SPPL2C: variants seen among roughly 807,000 people sequenced by gnomAD.
SPPL2C encodes signal peptide peptidase-like 2C.
Under a neutral mutation model 38.8 loss-of-function variants are expected in SPPL2C, and 33 were observed. That is an observed-to-expected ratio of 0.85 (90% confidence interval 0.64 to 1.14). The LOEUF is 1.14. SPPL2C is among the 50% of genes most tolerant of loss of function. The pLI, the probability that SPPL2C is intolerant of heterozygous loss-of-function variation, is 0.00. For missense variants in SPPL2C, 899 were observed against 904.4 expected, an observed-to-expected ratio of 0.99 and a Z score of 0.08; for synonymous variants, 384 against 390.7, an observed-to-expected ratio of 0.98 and a Z score of 0.20.
In SPPL2C at chr17:45,845,923, G is replaced by T; in HGVS notation, c.1017G>T (p.Val339=). Residue 339 remains valine, a synonymous_variant, in exon 1 of 1, where the codon GTG becomes GTT. Coordinates refer to ENST00000329196, the MANE Select transcript of SPPL2C (RefSeq NM_175882.3). ...SLCATVIIFW[V]AYRNEDRWAW... is the part of the protein sequence containing the mutation. ...GCGCAACCGTGATCATCTTCTGGGT[G>T]GCCTACCGCAATGAGGACCGCTGGG... The T allele has an allele frequency of 6.2e-7, 1 of 1,608,134 alleles. No homozygotes were observed. The highest frequency in any genetic ancestry group is 8.5e-7 in the Non-Finnish European group (1 of 1,180,000).
Position 45,846,940 on chromosome 17 carries a change from G to T in SPPL2C, c.2034G>T (p.Met678Ile). The change falls in exon 1 of 1, where the codon ATG becomes ATT. Residue 678 changes from methionine (M) to isoleucine (I), a missense_variant. Transcript: ENST00000329196. ...AGGGTTTGAAAGTAAGAAAGAGCAT[G>T]TCGACCCAGGCTCCCTTGTGAACTG... ...KRKGLKVRKS[M>I]STQAPL The T allele has an allele frequency of 2.5e-6, 4 of 1,569,960 alleles. No homozygotes were observed. Among genetic ancestry groups the T allele is most frequent in the Non-Finnish European group, 3.4e-6 (4 of 1,159,490 alleles).
rs369415450 is a variant in SPPL2C, at chr17:45,845,111, T to A, written c.205T>A (p.Trp69Arg). 84 of 1,612,418 alleles carry A rather than the reference T, an allele frequency of 5.2e-5. No homozygotes were observed. Among genetic ancestry groups the A allele is most frequent in the Non-Finnish European group, 6.9e-5 (81 of 1,178,804 alleles). ...CCTGTATGATGGCACCAAGGCACCCTGGTGCCCGGGTGAGGATTCCCCCCA... is the reference window on the plus strand; with the variant it reads ...CCTGTATGATGGCACCAAGGCACCCAGGTGCCCGGGTGAGGATTCCCCCCA... The part of the protein sequence containing the change: ...LPLYDGTKAP[W>R]CPGEDSPHQA... Residue 69 changes from tryptophan (W) to arginine (R), a missense_variant, in exon 1 of 1, where the codon TGG becomes AGG. Transcript: ENST00000329196.
In SPPL2C at chr17:45,846,406, C is replaced by T; in HGVS notation, c.1500C>T (p.Ala500=). 1.2e-6 allele frequency: 2 copies of T among 1,613,394 alleles called. 1 individual carries two copies. The highest frequency in any genetic ancestry group is 2.2e-5 in the South Asian group (2 of 91,086). Residue 500 remains alanine (A), a synonymous_variant, in exon 1 of 1, where the codon GCC becomes GCT. Transcript: ENST00000329196. ...AMVLMQMGQP[A]LLYLVSSTLL... Reference sequence around the variant, plus strand: ...TCCTCATGCAGATGGGCCAACCTGCCTTGCTCTACCTAGTGTCCAGCACCC... The same window carrying T: ...TCCTCATGCAGATGGGCCAACCTGCTTTGCTCTACCTAGTGTCCAGCACCC...
In SPPL2C at chr17:45,846,298, G is replaced by T. The variant is rs2062545284; in HGVS notation, c.1392G>T (p.Val464=). 6.2e-7 allele frequency: 1 copy of T among 1,614,020 alleles called. No homozygotes were observed. Among genetic ancestry groups the T allele is most frequent in the East Asian group, 2.2e-5 (1 of 44,894 alleles). ...TTGCTTACTGTTGCCGCTTTGATGT[G>T]CAAGTCTGCTCCCGTCAGATCTACT... ...FLVAYCCRFD[V]QVCSRQIYFV... is the part of the protein sequence containing the mutation. The change falls in exon 1 of 1, where the codon GTG becomes GTT. Residue 464 remains valine, a synonymous_variant. Coordinates refer to ENST00000329196, the MANE Select transcript of SPPL2C (RefSeq NM_175882.3).
rs779508378 is a variant in SPPL2C at position 45,845,158 on chromosome 17, C to T, written c.252C>T (p.Pro84=). The T allele has an allele frequency of 6.2e-7, 1 of 1,612,430 alleles. No homozygotes were observed. The highest frequency in any genetic ancestry group is 1.1e-5 in the South Asian group (1 of 91,054). ...DSPHQAQLRS[P]SQRPLRQTTA... The stretch of plus-strand genomic sequence containing the variant: ...CCCACCAGGCCCAGCTCCGCTCCCC[C>T]AGCCAGCGGCCCCTCCGCCAGACCA... Residue 84 remains proline, a synonymous_variant, in exon 1 of 1, where the codon CCC becomes CCT. Transcript: ENST00000329196.
rs143854309 is a variant in SPPL2C at position 45,846,137 on chromosome 17, C to G, written c.1231C>G (p.Pro411Ala). The change falls in exon 1 of 1, where the codon CCT (proline) becomes GCT (alanine). Residue 411 changes from proline (P) to alanine (A), a missense_variant. Physicochemically the swap from Pro to Ala is conservative, Grantham distance 27. Transcript: ENST00000329196. ...ESIMAQVALG[P>A]AESSSHERLP... is the part of the protein sequence containing the mutation. Reference sequence around the variant, plus strand: ...CATCATGGCGCAGGTTGCCTTGGGCCCTGCAGAGTCTTCAAGCCATGAGAG... The same window carrying G: ...CATCATGGCGCAGGTTGCCTTGGGCGCTGCAGAGTCTTCAAGCCATGAGAG... 3.7e-5 allele frequency: 59 copies of G among 1,614,210 alleles called. No homozygotes were observed. The African/African-American group carries it at 6.8e-4, about 19-fold the overall frequency.
At position 45,846,967 on chromosome 17, in the gene SPPL2C, A is replaced by T. The variant is rs760523268; in HGVS notation, c.*6A>T. The T allele has an allele frequency of 3.9e-6, 6 of 1,548,114 alleles. No individual in the cohort carries two copies. The highest frequency in any genetic ancestry group is 5.2e-6 in the Non-Finnish European group (6 of 1,150,704). ...CGACCCAGGCTCCCTTGTGAACTGG[A>T]GGCACTGGGACACACGCCTCTCAAA... On this transcript the variant is annotated 3_prime_UTR_variant, in exon 1 of 1. Coordinates refer to ENST00000329196, the MANE Select transcript of SPPL2C (RefSeq NM_175882.3).
chr17:45,845,909 A>G lies in SPPL2C; in HGVS notation c.1003A>G (p.Ile335Val). 6.2e-7 allele frequency: 1 copy of G among 1,607,280 alleles called. No homozygotes were observed. Among genetic ancestry groups the G allele is most frequent in the Non-Finnish European group, 8.5e-7 (1 of 1,179,972 alleles). The stretch of plus-strand genomic sequence containing the variant: ...GCTGGCGAGCCTGTGCGCAACCGTG[A>G]TCATCTTCTGGGTGGCCTACCGCAA... ...LLLASLCATVIIFWVAYRNED... is the reference protein window; with the variant it reads ...LLLASLCATVVIFWVAYRNED... The change falls in exon 1 of 1, where the codon ATC becomes GTC. Residue 335 changes from isoleucine (I) to valine (V), a missense_variant. Transcript: ENST00000329196.
chr17:45,846,919 T>A lies in SPPL2C; in HGVS notation c.2013T>A (p.Gly671=). 1 of 1,584,736 alleles carries A rather than the reference T, an allele frequency of 6.3e-7. No homozygotes were observed. Among genetic ancestry groups the A allele is most frequent in the Non-Finnish European group, 8.6e-7 (1 of 1,165,392 alleles). Residue 671 remains glycine, a synonymous_variant, in exon 1 of 1, where the codon GGT becomes GGA. Transcript: ENST00000329196. ...GGGCGGGACTCCACAAGAGGAAGGG[T>A]TTGAAAGTAAGAAAGAGCATGTCGA... is the stretch of plus-strand genomic sequence containing the variant. ...LPWAGLHKRK[G]LKVRKSMSTQ... is the part of the protein sequence containing the mutation.
rs1276812206 is a variant in SPPL2C, at chr17:45,845,857, G to GGCCTCTCTGCCGCTGCCTCTGC, written c.952_973dup (p.Leu325ArgfsTer27). The GGCCTCTCTGCCGCTGCCTCTGC allele has an allele frequency of 6.2e-7, 1 of 1,605,698 alleles. No individual in the cohort carries two copies. Among genetic ancestry groups the GGCCTCTCTGCCGCTGCCTCTGC allele is most frequent in the East Asian group, 2.2e-5 (1 of 44,888 alleles). The stretch of plus-strand genomic sequence containing the variant: ...ACCAGAGGCCTCCGCACAGCCTCTG[G>GGCCTCTCTGCCGCTGCCTCTGC]GCCTCTCTGCCGCTGCCTCTGCTGC... On this transcript the variant is annotated frameshift_variant, in exon 1 of 1. Coordinates refer to ENST00000329196, the MANE Select transcript of SPPL2C (RefSeq NM_175882.3). LOFTEE classifies it high-confidence loss of function.
rs11079725 is a variant in SPPL2C, at chr17:45,846,568, T to C, written c.1662T>C (p.Asp554=). The change falls in exon 1 of 1, where the codon GAT becomes GAC. Residue 554 remains aspartate (D), a synonymous_variant. Transcript: ENST00000329196. ...GSRQKQEGAA[D]AHTASTLERG... ...GGCAGAAGCAGGAGGGCGCAGCAGA[T>C]GCCCACACAGCCAGCACACTTGAGA... The C allele has an allele frequency of 0.19, 304,529 of 1,613,300 alleles. 32,781 individuals carry two copies. Among genetic ancestry groups the C allele is most frequent in the Non-Finnish European group, 0.22 (261,352 of 1,179,972 alleles).
Position 45,846,050 on chromosome 17 carries a change from C to T in SPPL2C, c.1144C>T (p.Leu382=). The T allele has an allele frequency of 6.2e-7, 1 of 1,614,226 alleles. No homozygotes were observed. Among genetic ancestry groups the T allele is most frequent in the Non-Finnish European group, 8.5e-7 (1 of 1,180,036 alleles). ...GAACTGCTCCTCCTTCCTGCTGGCC[C>T]TGCTGGCCTTTGATGTCTTCTTTGT... is the stretch of plus-strand genomic sequence containing the variant. The part of the protein sequence containing the change: ...LKNCSSFLLA[L]LAFDVFFVFV... The change falls in exon 1 of 1, where the codon CTG becomes TTG. Residue 382 remains leucine, a synonymous_variant. Coordinates refer to ENST00000329196, the MANE Select transcript of SPPL2C (RefSeq NM_175882.3).
At position 45,845,777 on chromosome 17, in the gene SPPL2C, A is replaced by G. The variant is rs2062536847; in HGVS notation, c.871A>G (p.Ile291Val). 1.9e-6 allele frequency: 3 copies of G among 1,611,214 alleles called. No individual in the cohort carries two copies. The highest frequency in any genetic ancestry group is 2.5e-6 in the Non-Finnish European group (3 of 1,179,972). The change falls in exon 1 of 1, where the codon ATT (isoleucine) becomes GTT (valine). Residue 291 changes from isoleucine to valine, a missense_variant. Transcript: ENST00000329196. The stretch of plus-strand genomic sequence containing the variant: ...TGGGATCTTTGGCCTGGGTGCTGGC[A>G]TTGGCCTCTACAGCTGCCTGTCACC... ...TIGIFGLGAG[I>V]GLYSCLSPLV...
Position 45,845,748 on chromosome 17 carries a change from C to A in SPPL2C, c.842C>A (p.Thr281Asn), listed in dbSNP as rs1340789567. ...TTCTATGACCACTTTGTCTATGTCA[C>A]CATTGGGATCTTTGGCCTGGGTGCT... ...YFFYDHFVYVTIGIFGLGAGI... is the reference protein window; with the variant it reads ...YFFYDHFVYVNIGIFGLGAGI... The change falls in exon 1 of 1, where the codon ACC (threonine) becomes AAC (asparagine). Residue 281 changes from threonine to asparagine, a missense_variant. Physicochemically the swap from Thr to Asn is moderately conservative, Grantham distance 65. Coordinates refer to ENST00000329196, the MANE Select transcript of SPPL2C (RefSeq NM_175882.3). 2 of 1,612,920 alleles carry A rather than the reference C, an allele frequency of 1.2e-6. No individual in the cohort carries two copies. Among genetic ancestry groups the A allele is most frequent in the Non-Finnish European group, 1.7e-6 (2 of 1,180,036 alleles).
In SPPL2C at chr17:45,846,526, C is replaced by T. The variant is rs140347532; in HGVS notation, c.1620C>T (p.Ala540=). The stretch of plus-strand genomic sequence containing the variant: ...CTAAGATGTGTGGGCTCGGCTGTGC[C>T]CCTTCAGCTGGCTCTAGGCAGAAGC... ...GRAKMCGLGC[A]PSAGSRQKQE... The change falls in exon 1 of 1, where the codon GCC becomes GCT. Residue 540 remains alanine, a synonymous_variant. Coordinates refer to ENST00000329196, the MANE Select transcript of SPPL2C (RefSeq NM_175882.3). 371 of 1,612,608 alleles carry T rather than the reference C, an allele frequency of 2.3e-4. No individual in the cohort carries two copies. Among genetic ancestry groups the T allele is most frequent in the Non-Finnish European group, 3.1e-4 (361 of 1,180,036 alleles).
At position 45,846,856 on chromosome 17, in the gene SPPL2C, C is replaced by G. The variant is rs367870678; in HGVS notation, c.1950C>G (p.Val650=). ...LMPPPSELGH[V]HAQAQAHETG... The stretch of plus-strand genomic sequence containing the variant: ...CCCCGCCCTCAGAGCTGGGCCATGT[C>G]CATGCCCAGGCCCAGGCCCACGAGA... Residue 650 remains valine (V), a synonymous_variant, in exon 1 of 1, where the codon GTC becomes GTG. Coordinates refer to ENST00000329196, the MANE Select transcript of SPPL2C (RefSeq NM_175882.3). The G allele has an allele frequency of 6.2e-7, 1 of 1,613,428 alleles. No homozygotes were observed. Among genetic ancestry groups the G allele is most frequent in the Middle Eastern group, 1.6e-4 (1 of 6,062 alleles).
Position 45,846,898 on chromosome 17 carries a change from G to A in SPPL2C, c.1992G>A (p.Ala664=), listed in dbSNP as rs944333680. 3.4e-5 allele frequency: 54 copies of A among 1,602,978 alleles called. No individual in the cohort carries two copies. The highest frequency in any genetic ancestry group is 1.1e-4 in the East Asian group (5 of 44,630). Residue 664 remains alanine (A), a synonymous_variant, in exon 1 of 1, where the codon GCG becomes GCA. Coordinates refer to ENST00000329196, the MANE Select transcript of SPPL2C (RefSeq NM_175882.3). ...AQAHETGLPW[A]GLHKRKGLKV... ...CCCACGAGACTGGCCTGCCCTGGGC[G>A]GGACTCCACAAGAGGAAGGGTTTGA...
rs752764855 is a variant in SPPL2C, at chr17:45,846,725, G to A, written c.1819G>A (p.Ala607Thr). Residue 607 changes from alanine (A) to threonine (T), a missense_variant, in exon 1 of 1, where the codon GCC (alanine) becomes ACC (threonine). By Grantham distance (58) the Ala-to-Thr change is moderately conservative. Coordinates refer to ENST00000329196, the MANE Select transcript of SPPL2C (RefSeq NM_175882.3). ...TGATAGCTCCGAGGGCTGGAGTGAC[G>A]CCCACTTGGATCCTAATGAGCTGCC... ...RSDSSEGWSD[A>T]HLDPNELPFI... is the part of the protein sequence containing the mutation. 82 of 1,614,074 alleles carry A rather than the reference G, an allele frequency of 5.1e-5. No individual in the cohort carries two copies. Among genetic ancestry groups the A allele is most frequent in the East Asian group, 2.7e-4 (12 of 44,888 alleles).
At position 45,845,400 on chromosome 17, in the gene SPPL2C, C is replaced by T; in HGVS notation, c.494C>T (p.Thr165Ile). Reference sequence around the variant, plus strand: ...GACATGCTGGACATCCTCAGCCACACTCGTGGGGAGGCCGTCGTCCGCGTG... The same window carrying T: ...GACATGCTGGACATCCTCAGCCACATTCGTGGGGAGGCCGTCGTCCGCGTG... Reference protein sequence around the residue: ...YADMLDILSHTRGEAVVRVAM... With the variant: ...YADMLDILSHIRGEAVVRVAM... The change falls in exon 1 of 1, where the codon ACT becomes ATT. Residue 165 changes from threonine to isoleucine, a missense_variant. Transcript: ENST00000329196. The T allele has an allele frequency of 6.2e-7, 1 of 1,613,568 alleles. No individual in the cohort carries two copies. Among genetic ancestry groups the T allele is most frequent in the Non-Finnish European group, 8.5e-7 (1 of 1,180,028 alleles).
Sources: allele counts gnomAD v4.1 joint callset, GRCh38; gene constraint gnomAD v4.1.1; transcripts MANE v1.5; gene names NCBI Gene and HGNC (gene_info 2026-07-23, HGNC 2026-07-21).